CEP350: variants seen among roughly 807,000 people sequenced by gnomAD.
CEP350 encodes the protein centrosomal protein 350.
A neutral mutation model predicts 331.8 loss-of-function variants in CEP350; 126 were observed. The observed-to-expected ratio is 0.38, with a 90% confidence interval of 0.33 to 0.44. CEP350 has a LOEUF of 0.44. CEP350 is among the 20% of genes least tolerant of loss of function. CEP350 has a pLI of 1.00. For synonymous variants in CEP350, 1,200 were observed against 1,259.5 expected, an observed-to-expected ratio of 0.95 and a Z score of 1.00; for missense variants, 3,406 against 3,634.6, an observed-to-expected ratio of 0.94 and a Z score of 1.62.
intron 3 of CEP350, among the ~76,000 whole-genome samples, chr1:179,990,047 G>A (rs986533490): frequency 3.3e-5 from 5 of 151,884 alleles, no homozygotes; most frequent in East Asian, 1.9e-4. Context: ...AAATTAGCCC[G>A]GCGTGGTGGC....
chr1:180,100,278 A>G (rs539001273), intron 37 of CEP350, among the ~76,000 whole-genome samples: 2 of 152,250 alleles, frequency 1.3e-5, no homozygotes, highest in African/African-American at 2.4e-5. Flanking sequence ...TGACTTGCCC[A>G]GTAAAATAAG....
intron 1 of CEP350, among the ~76,000 whole-genome samples, chr1:179,966,584 A>G (rs1002363514): frequency 1.3e-5 from 2 of 152,128 alleles, no homozygotes; most frequent in African/African-American, 4.8e-5. Context: ...AAAATAAACA[A>G]AGGGGGCTAG....
chr1:180,071,223 C>T (rs922969547), intron 27 of CEP350, among the ~76,000 whole-genome samples: 5 of 150,570 alleles, frequency 3.3e-5, no homozygotes, highest in South Asian at 4.2e-4. Flanking sequence ...TTTGGGAGGC[C>T]GAGGAGGGTG....
chr1:180,027,462 C>A (rs550387326), intron 14 of CEP350, among the ~76,000 whole-genome samples: 1 of 152,086 alleles, frequency 6.6e-6, no homozygotes, highest in African/African-American at 2.4e-5. Context: ...TATGGCTCAC[C>A]GTAGCCTCAA....
At chr1:180,029,088 C>T (rs2148868802) in intron 14 of CEP350, among the ~76,000 whole-genome samples, 1 of 152,244 alleles carries the variant, frequency 6.6e-6, no homozygotes. Flanking sequence ...TGTCTGCCTG[C>T]TCTGTACAAA....
At chr1:179,991,314 CTTTTTTTTT>C (rs748309168) in intron 4 of CEP350, among the ~76,000 whole-genome samples, 1 of 109,396 alleles carries the variant, frequency 9.1e-6, no homozygotes, top group African/African-American at 3.3e-5. Flanking sequence ...TCTTTCTTTT[CTTTTTTTTT>C]TTTTTTTTTT....
chr1:180,018,478 T>C (rs1655109683), intron 11 of CEP350, among the ~76,000 whole-genome samples: 1 of 152,228 alleles, frequency 6.6e-6, no homozygotes, highest in Admixed American at 6.5e-5. Context: ...GTATTCCTAT[T>C]ACTACCAGCT....
chr1:179,960,290 C>T (rs1002340194), intron 1 of CEP350, among the ~76,000 whole-genome samples: 4 of 148,810 alleles, frequency 2.7e-5, no homozygotes, highest in Admixed American at 1.4e-4. Context: ...CTGGAGCATA[C>T]GGAGAAAAGC....
intron 25 of CEP350, among the ~76,000 whole-genome samples, chr1:180,059,510 C>CT (rs955187067): frequency 6.6e-6 from 1 of 151,758 alleles, no homozygotes; most frequent in African/African-American, 2.4e-5. Context: ...GAGTACATGT[C>CT]TTTTTTGTAT....
chr1:180,078,401 T>G (rs573458719), intron 28 of CEP350, 62 bp from the exon 29 acceptor site: 25 of 1,199,816 alleles, frequency 2.1e-5, no homozygotes, highest in Admixed American at 4.3e-5. Flanking sequence ...TGTTTATTAG[T>G]GTAATTTTCC....
intron 31 of CEP350, chr1:180,087,210 A>G (rs188414439): frequency 2.0e-4 from 32 of 156,556 alleles, no homozygotes; most frequent in African/African-American, 7.4e-4. Flanking sequence ...TCAGAACAGA[A>G]TGACTAACTT....
intron 19 of CEP350, among the ~76,000 whole-genome samples, chr1:180,042,463 T>C (rs1435251526): frequency 6.6e-6 from 1 of 152,216 alleles, no homozygotes; most frequent in African/African-American, 2.4e-5. Context: ...TAAAATGACT[T>C]AGTTATTGGA....
At position 179,996,867 on chromosome 1, in the gene CEP350, A is replaced by T; in HGVS notation, c.710A>T (p.Lys237Met). The T allele has an allele frequency of 6.2e-7, 1 of 1,613,968 alleles. No homozygotes were observed. The change falls in exon 6 of 38, where the codon AAG becomes ATG. Residue 237 changes from lysine (K) to methionine (M), a missense_variant. Around this residue, in one of 5 missense-constraint regions of CEP350, gnomAD observed 1,857 missense variants for 1,909.2 expected, o/e 0.97. Transcript: ENST00000367607. ...ACAAAAGGAAGTGAGAATAATTTGA[A>T]GCTTTCTGTGAATAACATGGCCCAT... ...NRTKGSENNL[K>M]LSVNNMAHDT...
At chr1:180,040,638 G>GA (rs879653523) in intron 17 of CEP350, among the ~76,000 whole-genome samples, 2,671 of 138,840 alleles carry the variant, frequency 0.019, 47 homozygotes, top group Middle Eastern at 0.043. Context: ...CAAAGGAGAT[G>GA]AAAAAAAAAA....
At chr1:179,991,858 G>A (rs1206477692) in intron 4 of CEP350, among the ~76,000 whole-genome samples, 1 of 151,608 alleles carries the variant, frequency 6.6e-6, no homozygotes, top group Non-Finnish European at 1.5e-5. Flanking sequence ...TACAATTTCT[G>A]TATCAATGGA....
At chr1:180,023,240 C>G (rs1655448969) in intron 13 of CEP350, among the ~76,000 whole-genome samples, 1 of 151,938 alleles carries the variant, frequency 6.6e-6, no homozygotes, top group Admixed American at 6.6e-5. Context: ...CCACTGCACT[C>G]CAGCCTGGGT....
chr1:180,064,231 A>G (rs2149017509), intron 26 of CEP350, among the ~76,000 whole-genome samples: 1 of 152,080 alleles, frequency 6.6e-6, no homozygotes, highest in South Asian at 2.1e-4. Context: ...CTTCCATGTG[A>G]CATTCTTGTT....
intron 3 of CEP350, among the ~76,000 whole-genome samples, chr1:179,989,745 G>A (rs926497712): frequency 5.9e-5 from 9 of 152,068 alleles, no homozygotes; most frequent in African/African-American, 2.2e-4. Context: ...TGTCTTTATT[G>A]TGAAACTTAT....
At chr1:180,079,663 C>G (rs184765838) in intron 29 of CEP350, among the ~76,000 whole-genome samples, 1 of 151,560 alleles carries the variant, frequency 6.6e-6, no homozygotes, top group Non-Finnish European at 1.5e-5. Context: ...TCTTTTATTC[C>G]GTAAATTTCT....
Sources: allele counts gnomAD v4.1 joint callset (sites outside exome capture counted in the v4.1 genomes callset), GRCh38; gene constraint gnomAD v4.1.1; regional missense constraint gnomAD v4.1.1; transcripts MANE v1.5; gene names NCBI Gene and HGNC (gene_info 2026-07-23, HGNC 2026-07-21).